Variants in ADARB2 observed in about 807,000 individuals in gnomAD.
ADARB2 encodes the protein inactive double-stranded RNA-specific editase B2.
ADARB2 carries 25 observed loss-of-function variants against 62.2 expected under a neutral mutation model. That is an observed-to-expected ratio of 0.40 (90% CI 0.29 to 0.56). The LOEUF is 0.56. Ranked by LOEUF, ADARB2 falls within the 20% of genes least tolerant of loss-of-function variation. The pLI, the probability that ADARB2 is intolerant of heterozygous loss-of-function variation, is 0.43. For missense variants in ADARB2, 1,071 were observed against 1,077.4 expected (o/e 0.99, Z 0.08); for synonymous variants, 572 against 500.8 (o/e 1.14, Z -1.90).
At chr10:1,550,774 T>G (rs1260439010) in intron 1 of ADARB2, among the ~76,000 whole-genome samples, 1 of 151,910 alleles carries the variant, frequency 6.6e-6, no homozygotes, top group Non-Finnish European at 1.5e-5. Context: ...CCCCGAGTGC[T>G]TAGTCATTTG....
intron 1 of ADARB2, among the ~76,000 whole-genome samples, chr10:1,554,925 A>G (rs1021718757): frequency 6.6e-6 from 1 of 152,086 alleles, no homozygotes; most frequent in Non-Finnish European, 1.5e-5. Context: ...CCATCTTTAT[A>G]TCCGTGAGTA....
chr10:1,604,849 G>A (rs1028862335), intron 1 of ADARB2, among the ~76,000 whole-genome samples: 1 of 152,238 alleles, frequency 6.6e-6, no homozygotes, highest in East Asian at 1.9e-4. Context: ...GTTTGGTGAG[G>A]ACGTCTGTGT....
At chr10:1,249,887 GT>G (rs1352124160) in intron 4 of ADARB2, among the ~76,000 whole-genome samples, 1 of 151,792 alleles carries the variant, frequency 6.6e-6, no homozygotes, top group Non-Finnish European at 1.5e-5. Flanking sequence ...AGCGTTCCAA[GT>G]TAATATACAG....
At chr10:1,392,483 CA>C (rs1213138250) in intron 1 of ADARB2, among the ~76,000 whole-genome samples, 5 of 152,150 alleles carry the variant, frequency 3.3e-5, no homozygotes, top group Non-Finnish European at 7.4e-5. Flanking sequence ...TATCTAAACA[CA>C]AAAGCAAATC....
intron 1 of ADARB2, among the ~76,000 whole-genome samples, chr10:1,389,994 C>CAAAAAA (rs1177102873): frequency 6.6e-6 from 1 of 152,074 alleles, no homozygotes; most frequent in Non-Finnish European, 1.5e-5. Flanking sequence ...AAAAGACTCA[C>CAAAAAA]ATAGGGATAT....
chr10:1,384,618 G>A (rs929850670), intron 1 of ADARB2, among the ~76,000 whole-genome samples: 1 of 152,194 alleles, frequency 6.6e-6, no homozygotes. Flanking sequence ...CTGAGAAAAG[G>A]AAAGCATGAG....
At chr10:1,684,400 C>A (rs1269473983) in intron 1 of ADARB2, among the ~76,000 whole-genome samples, 2 of 152,102 alleles carry the variant, frequency 1.3e-5, no homozygotes, top group Admixed American at 6.5e-5. Context: ...AAAGTTAAAA[C>A]TTTGTGGTGA....
chr10:1,657,592 C>T (rs1834187512), intron 1 of ADARB2, among the ~76,000 whole-genome samples: 1 of 152,178 alleles, frequency 6.6e-6, no homozygotes, highest in African/African-American at 2.4e-5. Flanking sequence ...CTCTCGAGGC[C>T]TCCAACAGAA....
intron 8 of ADARB2, among the ~76,000 whole-genome samples, chr10:1,186,254 A>G (rs1040635990): frequency 2.6e-5 from 4 of 152,158 alleles, no homozygotes; most frequent in Admixed American, 1.3e-4. Flanking sequence ...GGGCTTCCTC[A>G]TGGACCCAGC....
chr10:1,233,650 C>A, intron 6 of ADARB2, 44 bp downstream of exon 6: 1 of 1,570,200 alleles, frequency 6.4e-7, no homozygotes, highest in South Asian at 1.2e-5. Flanking sequence ...ATAGAGGGAG[C>A]TGGGGGCTGT....
chr10:1,203,578 G>C (rs1361360718), intron 7 of ADARB2, among the ~76,000 whole-genome samples: 1 of 152,152 alleles, frequency 6.6e-6, no homozygotes, highest in African/African-American at 2.4e-5. Flanking sequence ...GGATCATCTG[G>C]GAGCTTTGAG....
chr10:1,342,313 C>A (rs968504138), intron 3 of ADARB2, among the ~76,000 whole-genome samples: 2 of 152,202 alleles, frequency 1.3e-5, no homozygotes, highest in African/African-American at 4.8e-5. Flanking sequence ...CAAACACACA[C>A]ATGGCCCCAC....
chr10:1,214,979 T>A (rs1309998672), intron 7 of ADARB2, among the ~76,000 whole-genome samples: 1 of 152,160 alleles, frequency 6.6e-6, no homozygotes, highest in Non-Finnish European at 1.5e-5. Context: ...GGAACCATTG[T>A]TGTTAGGGCT....
rs143059735 is a variant in ADARB2, at chr10:1,500,339, G to A, written c.101-121179C>T. Among the ~76,000 whole-genome samples, 193 of 152,328 alleles carry A rather than the reference G, an allele frequency of 1.3e-3. 9 individuals carry two copies. In the East Asian group the frequency reaches 0.033, roughly 26 times the overall value. On this transcript the variant is annotated intron_variant, in intron 1 of 9. Transcript: ENST00000381312. Reference sequence around the variant, plus strand: ...TAACCTAAGTGTTACATGAATCAAAGTGCTGGTGTGTTTTTCTCTGTCTTT... The same window carrying A: ...TAACCTAAGTGTTACATGAATCAAAATGCTGGTGTGTTTTTCTCTGTCTTT...
At chr10:1,674,529 C>T (rs553935172) in intron 1 of ADARB2, among the ~76,000 whole-genome samples, 4 of 152,176 alleles carry the variant, frequency 2.6e-5, no homozygotes, top group African/African-American at 4.8e-5. Flanking sequence ...GAAGTAGTCA[C>T]GATCGTGATT....
intron 1 of ADARB2, among the ~76,000 whole-genome samples, chr10:1,497,398 C>A (rs540381581): frequency 6.6e-6 from 1 of 152,042 alleles, no homozygotes; most frequent in African/African-American, 2.4e-5. Flanking sequence ...TAGAGACTCA[C>A]CAAAAATTTC....
At chr10:1,557,464 T>C (rs1390386667) in intron 1 of ADARB2, among the ~76,000 whole-genome samples, 1 of 152,286 alleles carries the variant, frequency 6.6e-6, no homozygotes, top group South Asian at 2.1e-4. Flanking sequence ...GGCCCCACGC[T>C]TCCCGCCAGT....
intron 1 of ADARB2, among the ~76,000 whole-genome samples, chr10:1,451,914 T>A: frequency 6.6e-6 from 1 of 152,162 alleles, no homozygotes; most frequent in Non-Finnish European, 1.5e-5. Flanking sequence ...AGCATTTTGT[T>A]TATAGACTTA....
intron 7 of ADARB2, among the ~76,000 whole-genome samples, chr10:1,214,547 T>C (rs753525165): frequency 2.6e-5 from 4 of 151,336 alleles, no homozygotes; most frequent in African/African-American, 4.9e-5. Flanking sequence ...CACCTGTGCC[T>C]GGACCTGCCG....
Sources: gnomAD v4.1 joint callset for allele counts (sites outside exome capture counted in the v4.1 genomes callset) on GRCh38, gnomAD v4.1.1 for gene constraint, MANE v1.5 for transcripts, NCBI Gene and HGNC (gene_info 2026-07-23, HGNC 2026-07-21) for gene names.